The following LY86 variants were observed in gnomAD, a reference collection of about 807,000 sequenced individuals.
The protein encoded by LY86 is MD-1, RP105-associated.
LY86 carries 20 observed loss-of-function variants against 17.3 expected under a neutral mutation model. The observed-to-expected ratio is 1.15, with a 90% CI of 0.81 to 1.68. The LOEUF (loss-of-function observed/expected upper bound fraction) is 1.68, where lower values mean the gene tolerates loss of function less well. Among genes scored for constraint, LY86 ranks in the 40% most tolerant of loss-of-function variants. The probability of loss-of-function intolerance (pLI) is 0.00; values close to 1 mark genes in which losing one functional copy is unlikely to be tolerated. For missense variants in LY86, 200 were observed against 191.9 expected, an observed-to-expected ratio of 1.04 and a Z score of -0.25; for synonymous variants, 74 against 70.6, an observed-to-expected ratio of 1.05 and a Z score of -0.24.
At chr6:6,615,533 C>A (rs929158448) in intron 1 of LY86, among the ~76,000 whole-genome samples, 1 of 151,990 alleles carries the variant, frequency 6.6e-6, no homozygotes, top group Non-Finnish European at 1.5e-5. Flanking sequence ...ACCAGCCTGG[C>A]CAACATGGTG....
rs559322488 is a variant in LY86, at chr6:6,599,663, G to A, written c.136+10793G>A. Among the ~76,000 whole-genome samples the A allele has an allele frequency of 5.9e-5, 9 of 152,326 alleles. No homozygotes were observed. The South Asian group carries it at 1.0e-3, about 18-fold the overall frequency. The stretch of plus-strand genomic sequence containing the variant: ...GCACAAAGAGAGGGGTCAGCATTCT[G>A]CCAGTCCCTTCCCACAGGCAGACGG... On this transcript the variant is annotated intron_variant, in intron 1 of 4. Coordinates refer to ENST00000230568, the MANE Select transcript of LY86 (RefSeq NM_004271.4).
At chr6:6,612,271 T>G (rs1761379515) in intron 1 of LY86, among the ~76,000 whole-genome samples, 1 of 152,142 alleles carries the variant, frequency 6.6e-6, no homozygotes, top group Admixed American at 6.6e-5. Context: ...TCAGATGTGT[T>G]CTGAGTTTCT....
chr6:6,607,995 A>G (rs1194583189), intron 1 of LY86, among the ~76,000 whole-genome samples: 3 of 152,244 alleles, frequency 2.0e-5, no homozygotes, highest in African/African-American at 4.8e-5. Context: ...GACAAATTGC[A>G]TTTTAAAAGT....
At chr6:6,612,013 A>C (rs367966696) in intron 1 of LY86, among the ~76,000 whole-genome samples, 5 of 41,176 alleles carry the variant, frequency 1.2e-4, no homozygotes, top group East Asian at 2.6e-3. Flanking sequence ...CTATGAAAAT[A>C]ATCTTTGTGG....
rs555150333 is a variant in LY86, at chr6:6,595,900, G to T, written c.136+7030G>T. ...ATTCAGCAGTGTGTGGAGGGCTGTG[G>T]GTGGTCCCTGTGGGACCTGGCAGCC... is the stretch of plus-strand genomic sequence containing the variant. On this transcript the variant is annotated intron_variant, in intron 1 of 4. Transcript: ENST00000230568. Among the ~76,000 whole-genome samples, 1,267 of 152,274 alleles carry T rather than the reference G, an allele frequency of 8.3e-3. 13 individuals carry two copies. The highest frequency in any genetic ancestry group is 0.026 in the South Asian group (126 of 4,826).
chr6:6,588,870 G>A lies in LY86; in HGVS notation c.136G>A (p.Asp46Asn), dbSNP rs757134663. 34 of 1,613,756 alleles carry A rather than the reference G, an allele frequency of 2.1e-5. No homozygotes were observed. In the Admixed American group the frequency reaches 3.2e-4, roughly 15 times the overall value. ...SGLEVLYQSC[D>N]PLQDFGFSVE... Reference sequence around the variant, plus strand: ...CTTGGAAGTGCTCTACCAGAGTTGCGGTAAGCCCTTGCAGTACACCCATGT... The same window carrying A: ...CTTGGAAGTGCTCTACCAGAGTTGCAGTAAGCCCTTGCAGTACACCCATGT... The change falls in exon 1 of 5, where the codon GAT becomes AAT. Residue 46 changes from aspartate (D) to asparagine (N), a missense_variant and splice_region_variant. Physicochemically the swap from Asp to Asn is conservative, Grantham distance 23. Transcript: ENST00000230568.
chr6:6,619,815 G>T (rs1376557928), intron 1 of LY86, among the ~76,000 whole-genome samples: 2 of 151,828 alleles, frequency 1.3e-5, no homozygotes, highest in Admixed American at 6.6e-5. Flanking sequence ...GGTATGAGAA[G>T]AAAAAGAGAA....
intron 1 of LY86, among the ~76,000 whole-genome samples, chr6:6,620,382 G>A (rs1217735082): frequency 6.6e-6 from 1 of 152,176 alleles, no homozygotes; most frequent in Non-Finnish European, 1.5e-5. Flanking sequence ...ATGGAAAATG[G>A]GACTAGCTGT....
intron 1 of LY86, among the ~76,000 whole-genome samples, chr6:6,592,461 TGAG>T (rs1246871701): frequency 6.6e-6 from 1 of 152,080 alleles, no homozygotes; most frequent in Non-Finnish European, 1.5e-5. Context: ...CACGAAGATG[TGAG>T]GAGATGACAG....
chr6:6,639,040 T>C (rs1762001550), intron 3 of LY86, among the ~76,000 whole-genome samples: 1 of 151,912 alleles, frequency 6.6e-6, no homozygotes, highest in Admixed American at 6.6e-5. Context: ...TGTCCAACAA[T>C]GATAGACTGG....
At chr6:6,589,227 A>G (rs1006215123) in intron 1 of LY86, among the ~76,000 whole-genome samples, 2 of 152,234 alleles carry the variant, frequency 1.3e-5, no homozygotes, top group African/African-American at 4.8e-5. Context: ...AGCTTCCAGT[A>G]GGCCCTTCCT....
chr6:6,624,533 T>A (rs1011160390), intron 1 of LY86, among the ~76,000 whole-genome samples: 1 of 152,150 alleles, frequency 6.6e-6, no homozygotes, highest in Non-Finnish European at 1.5e-5. Context: ...TGTATCTCCC[T>A]CTGTTTTGAT....
intron 1 of LY86, among the ~76,000 whole-genome samples, chr6:6,622,152 GCTTT>G (rs1271492981): frequency 1.3e-5 from 2 of 152,170 alleles, no homozygotes; most frequent in East Asian, 1.9e-4. Flanking sequence ...GCAGCCTACA[GCTTT>G]CTTTGTGACT....
intron 3 of LY86, among the ~76,000 whole-genome samples, chr6:6,630,841 A>G (rs1198710382): frequency 1.3e-5 from 2 of 152,226 alleles, no homozygotes; most frequent in South Asian, 2.1e-4. Context: ...CTGTAAGTGT[A>G]AAGTACAGAC....
chr6:6,591,870 G>A (rs138409819), intron 1 of LY86, among the ~76,000 whole-genome samples: 83 of 152,304 alleles, frequency 5.4e-4, no homozygotes, highest in Middle Eastern at 3.4e-3. Flanking sequence ...AATGACATGC[G>A]TGAAGGCAGG....
intron 1 of LY86, among the ~76,000 whole-genome samples, chr6:6,610,554 A>G (rs371696198): frequency 2.4e-4 from 36 of 152,110 alleles, no homozygotes; most frequent in African/African-American, 8.0e-4. Flanking sequence ...GGGGGGGGCA[A>G]GGTGAGTGCT....
intron 1 of LY86, among the ~76,000 whole-genome samples, chr6:6,603,277 A>G: frequency 6.6e-6 from 1 of 152,022 alleles, no homozygotes; most frequent in Non-Finnish European, 1.5e-5. Flanking sequence ...ATACCAAAGC[A>G]CCCTGCAGTG....
intron 1 of LY86, among the ~76,000 whole-genome samples, chr6:6,612,225 C>T (rs756493994): frequency 6.6e-5 from 10 of 152,312 alleles, no homozygotes; most frequent in Middle Eastern, 3.4e-3. Context: ...TTAAGTTCTT[C>T]AAGAGGGCGT....
At chr6:6,594,992 A>G (rs1760653120) in intron 1 of LY86, among the ~76,000 whole-genome samples, 1 of 152,138 alleles carries the variant, frequency 6.6e-6, no homozygotes, top group Non-Finnish European at 1.5e-5. Flanking sequence ...ATCAGATCCC[A>G]GAAATACAGG....
Sources: gnomAD v4.1 joint callset for allele counts (sites outside exome capture counted in the v4.1 genomes callset) on GRCh38, gnomAD v4.1.1 for gene constraint, MANE v1.5 for transcripts, NCBI Gene and HGNC (gene_info 2026-07-23, HGNC 2026-07-21) for gene names.